The following SPMIP11 variants were observed in gnomAD, a reference collection of about 807,000 sequenced individuals.
The protein encoded by SPMIP11 is long intergenic non-protein coding RNA 935.
the SPMIP11 span, among the ~76,000 whole-genome samples, chr12:48,741,247 C>T: frequency 1.3e-5 from 2 of 151,806 alleles, no homozygotes; most frequent in East Asian, 3.9e-4. Context: ...GATGGGGTTT[C>T]TCCATGTTGG....
the SPMIP11 span, among the ~76,000 whole-genome samples, chr12:48,731,458 T>A: frequency 6.6e-6 from 1 of 151,068 alleles, no homozygotes. Flanking sequence ...GCCACTGCCC[T>A]CCAGCCTGGG....
At chr12:48,749,016 C>T in the SPMIP11 span, among the ~76,000 whole-genome samples, 1 of 152,192 alleles carries the variant, frequency 6.6e-6, no homozygotes, top group Non-Finnish European at 1.5e-5. Flanking sequence ...AATCCCAGCA[C>T]TTTGGGAGGC....
the SPMIP11 span, chr12:48,769,175 A>G: frequency 1.7e-6 from 2 of 1,170,778 alleles, no homozygotes; most frequent in Non-Finnish European, 2.3e-6. Flanking sequence ...AAAAAGGACA[A>G]GTCTCCTGGT....
the SPMIP11 span, chr12:48,771,419 A>T: frequency 9.2e-6 from 5 of 544,826 alleles, no homozygotes; most frequent in Non-Finnish European, 1.3e-5. The surrounding 1 kb of genome is among the most constrained non-coding windows in gnomAD (Gnocchi z 4.3). Context: ...TCCACAGACT[A>T]TTGCCTTCTT....
the SPMIP11 span, chr12:48,765,671 G>T: frequency 2.8e-6 from 2 of 702,802 alleles, no homozygotes; most frequent in African/African-American, 3.5e-5. Context: ...TATGGCTGCA[G>T]AAAGACAAGA....
chr12:48,745,009 G>T, the SPMIP11 span, among the ~76,000 whole-genome samples: 1 of 152,110 alleles, frequency 6.6e-6, no homozygotes, highest in African/African-American at 2.4e-5. Flanking sequence ...GGTGGCTCAC[G>T]CCTGTAATCC....
chr12:48,740,391 T>G, the SPMIP11 span, among the ~76,000 whole-genome samples: 10 of 152,124 alleles, frequency 6.6e-5, no homozygotes, highest in Admixed American at 5.3e-4. Context: ...CAACTCACCA[T>G]GTAGGTATCA....
chr12:48,756,865 C>G, the SPMIP11 span, among the ~76,000 whole-genome samples: 8 of 151,286 alleles, frequency 5.3e-5, no homozygotes, highest in Non-Finnish European at 1.2e-4. Context: ...GAACCTCCAC[C>G]TCCGGGATTC....
the SPMIP11 span, among the ~76,000 whole-genome samples, chr12:48,757,255 TA>T: frequency 5.3e-5 from 8 of 150,534 alleles, no homozygotes; most frequent in African/African-American, 1.2e-4. Flanking sequence ...CTGAAAGACT[TA>T]AAAAAAAAAT....
chr12:48,758,223 A>G, the SPMIP11 span, among the ~76,000 whole-genome samples: 1 of 152,196 alleles, frequency 6.6e-6, no homozygotes, highest in East Asian at 1.9e-4. Context: ...GGAAGCACGT[A>G]AAAGCTGCAG....
At chr12:48,770,722 GA>G in the SPMIP11 span, 1 of 1,590,038 alleles carries the variant, frequency 6.3e-7, no homozygotes, top group Non-Finnish European at 8.6e-7. Context: ...GCTTCACCTG[GA>G]AAAAGTCCTG....
At chr12:48,752,913 C>G in the SPMIP11 span, among the ~76,000 whole-genome samples, 18 of 152,040 alleles carry the variant, frequency 1.2e-4, no homozygotes, top group African/African-American at 3.9e-4. Context: ...CTCAGGTGAT[C>G]CACCCACCTT....
the SPMIP11 span, among the ~76,000 whole-genome samples, chr12:48,738,473 C>T: frequency 6.6e-6 from 1 of 151,968 alleles, no homozygotes; most frequent in African/African-American, 2.4e-5. Context: ...AGTTTCTCAC[C>T]ATATGGGCCT....
chr12:48,749,088 C>A, the SPMIP11 span, among the ~76,000 whole-genome samples: 1 of 149,278 alleles, frequency 6.7e-6, no homozygotes, highest in Non-Finnish European at 1.5e-5. Flanking sequence ...ATGGTGAAAC[C>A]CCATCTCTAC....
chr12:48,752,458 T>C, the SPMIP11 span, among the ~76,000 whole-genome samples: 1 of 152,134 alleles, frequency 6.6e-6, no homozygotes, highest in African/African-American at 2.4e-5. Flanking sequence ...GGGAGATTCC[T>C]GTCCCTCCCA....
the SPMIP11 span, chr12:48,766,805 T>A: frequency 6.6e-6 from 1 of 152,368 alleles, no homozygotes; most frequent in Non-Finnish European, 1.5e-5. Flanking sequence ...CTCTAGTCAT[T>A]TCCAAGACAA....
the SPMIP11 span, chr12:48,770,747 A>C: frequency 6.2e-7 from 1 of 1,609,678 alleles, no homozygotes; most frequent in Admixed American, 1.7e-5. Context: ...AAACCCGCCA[A>C]GCAACAAAGC....
chr12:48,733,106 G>A, the SPMIP11 span, among the ~76,000 whole-genome samples: 8 of 118,972 alleles, frequency 6.7e-5, no homozygotes, highest in Middle Eastern at 7.4e-3. Context: ...ACTGAGTCTC[G>A]CTCTTTCGCC....
At chr12:48,753,631 T>A in the SPMIP11 span, among the ~76,000 whole-genome samples, 1 of 151,696 alleles carries the variant, frequency 6.6e-6, no homozygotes, top group African/African-American at 2.4e-5. Context: ...CAGCTGGAGA[T>A]CCCATTCTTA....
Sources: gnomAD v4.1 joint callset for allele counts (sites outside exome capture counted in the v4.1 genomes callset) on GRCh38, gnomAD v4.1.1 for gene constraint, Gnocchi (gnomAD v3.1) non-coding constraint, MANE v1.5 for transcripts, NCBI Gene and HGNC (gene_info 2026-07-23, HGNC 2026-07-21) for gene names.